The following PLXNC1 variants were observed in gnomAD, a reference collection of about 807,000 sequenced individuals.
The protein encoded by PLXNC1 is plexin C1, also known as plexin-C1.
PLXNC1 carries 75 observed loss-of-function variants against 178.2 expected under a neutral mutation model. The ratio of observed to expected loss-of-function variants is 0.42; its 90% CI spans 0.35 to 0.51. The LOEUF is 0.51. PLXNC1 is among the 20% of genes least tolerant of loss of function. The pLI is 0.02. For synonymous variants in PLXNC1, 790 were observed against 779.9 expected, an observed-to-expected ratio of 1.01 and a Z score of -0.22; for missense variants, 1,503 against 1,984.4, an observed-to-expected ratio of 0.76 and a Z score of 4.61.
chr12:94,304,117 T>C, intron 30 of PLXNC1, 66 bp downstream of exon 30: 1 of 1,047,832 alleles, frequency 9.5e-7, no homozygotes, highest in South Asian at 1.4e-5. Context: ...TATAGCATTC[T>C]GTCAGTTTCA....
At position 94,269,247 on chromosome 12, in the gene PLXNC1, C is replaced by T. The variant is rs1031634060; in HGVS notation, c.3597+4022C>T. ...ATCTTGGCACCCTGGAAAACTGTTC[C>T]GACAAAAATATTATTGCCTTCATTC... On this transcript the variant is annotated intron_variant, in intron 21 of 30. Transcript: ENST00000258526. 5.9e-5 allele frequency among the ~76,000 whole-genome samples: 9 copies of T among 152,134 alleles called. No individual in the cohort carries two copies. In the East Asian group the frequency reaches 1.2e-3, roughly 20 times the overall value.
chr12:94,155,042 G>T (rs767015733), intron 1 of PLXNC1, among the ~76,000 whole-genome samples: 1 of 152,186 alleles, frequency 6.6e-6, no homozygotes. Context: ...TGCCTGATGT[G>T]TCAGGGCCCC....
At chr12:94,218,175 G>A (rs1006066334) in intron 5 of PLXNC1, among the ~76,000 whole-genome samples, 4 of 152,188 alleles carry the variant, frequency 2.6e-5, no homozygotes, top group Non-Finnish European at 2.9e-5. Flanking sequence ...ATGAGTTAGT[G>A]GGAATGGTTT....
intron 23 of PLXNC1, among the ~76,000 whole-genome samples, chr12:94,289,855 C>T (rs950807056): frequency 2.2e-4 from 34 of 152,222 alleles, no homozygotes; most frequent in Non-Finnish European, 5.9e-5. Context: ...CGCGCTCACA[C>T]ACACACACAA....
At chr12:94,244,451 C>G (rs1964473944) in intron 12 of PLXNC1, among the ~76,000 whole-genome samples, 1 of 152,164 alleles carries the variant, frequency 6.6e-6, no homozygotes, top group African/African-American at 2.4e-5. Context: ...TTGCCAAGGT[C>G]CCAGAAATCT....
chr12:94,283,165 G>A (rs936136482), intron 23 of PLXNC1, among the ~76,000 whole-genome samples: 2 of 150,590 alleles, frequency 1.3e-5, no homozygotes, highest in Admixed American at 6.6e-5. Context: ...AAAAAAGGAC[G>A]GAGAGACAAG....
At chr12:94,163,649 A>G (rs556374650) in intron 1 of PLXNC1, among the ~76,000 whole-genome samples, 1 of 152,166 alleles carries the variant, frequency 6.6e-6, no homozygotes, top group East Asian at 1.9e-4. Context: ...TACAAGCTTC[A>G]CCACCTTGCA....
chr12:94,282,462 T>G, intron 23 of PLXNC1, 61 bp downstream of exon 23: 1 of 1,130,070 alleles, frequency 8.8e-7, no homozygotes, highest in Non-Finnish European at 1.3e-6. Flanking sequence ...CCCATGGACA[T>G]TCTTTTAAAA....
chr12:94,169,357 C>CT, intron 2 of PLXNC1, 64 bp downstream of exon 2: 6 of 1,239,176 alleles, frequency 4.8e-6, no homozygotes, highest in Admixed American at 2.1e-5. Flanking sequence ...TTTAAAAAAA[C>CT]ATTTTTTTAA....
rs1234130921 is a variant in PLXNC1 at position 94,297,111 on chromosome 12, C to CT, written c.3935-74dup. 1.4e-5 allele frequency: 20 copies of CT among 1,443,340 alleles called. No homozygotes were observed. The East Asian group carries it at 1.6e-4, about 11-fold the overall frequency. The allele number at this position is 1,443,340 out of a possible 1,614,324, so 89.4% of individuals were successfully genotyped here. On this transcript the variant is annotated intron_variant, in intron 24 of 30. Coordinates refer to ENST00000258526, the MANE Select transcript of PLXNC1 (RefSeq NM_005761.3). ...CTTCAGTATACAGCACAAATGGGGC[C>CT]TTTTAAGAGAAGGCCGATTAGCCCA... is the stretch of plus-strand genomic sequence containing the variant.
intron 10 of PLXNC1, 87 bp downstream of exon 10, chr12:94,237,890 A>G: frequency 1.5e-6 from 2 of 1,371,702 alleles, no homozygotes; most frequent in Non-Finnish European, 2.0e-6. Flanking sequence ...TAACCTTAAT[A>G]TAGTCAAATT....
intron 2 of PLXNC1, among the ~76,000 whole-genome samples, chr12:94,177,113 A>C (rs562626066): frequency 1.1e-5 from 1 of 88,956 alleles, no homozygotes; most frequent in African/African-American, 4.1e-5. Context: ...GTGTGTGTGT[A>C]TATATGTGTG....
chr12:94,262,373 CT>C (rs1965014625), intron 20 of PLXNC1: 1 of 529,170 alleles, frequency 1.9e-6, no homozygotes, highest in Non-Finnish European at 2.4e-6. Flanking sequence ...CTTTAAATCC[CT>C]TTCCAGCTCT....
At chr12:94,158,537 C>T (rs1030382074) in intron 1 of PLXNC1, among the ~76,000 whole-genome samples, 23 of 152,280 alleles carry the variant, frequency 1.5e-4, no homozygotes, top group African/African-American at 5.5e-4. Context: ...GGCGCATGCC[C>T]ATAATCCCAG....
At chr12:94,183,092 A>G (rs564872378) in intron 3 of PLXNC1, among the ~76,000 whole-genome samples, 3 of 152,228 alleles carry the variant, frequency 2.0e-5, no homozygotes, top group South Asian at 4.1e-4. Context: ...TGAGACTTAC[A>G]TAATTATATA....
At chr12:94,240,813 C>T (rs1220227105) in intron 11 of PLXNC1, 149 bp downstream of exon 11, 3 of 651,102 alleles carry the variant, frequency 4.6e-6, no homozygotes, top group African/African-American at 3.7e-5. Flanking sequence ...TAGAAAAATG[C>T]ATACCTGACA....
At chr12:94,286,616 CAAAAAAA>C (rs61238982) in intron 23 of PLXNC1, among the ~76,000 whole-genome samples, 150 of 101,404 alleles carry the variant, frequency 1.5e-3, no homozygotes, top group Middle Eastern at 6.1e-3. Flanking sequence ...TGCTTAAAAG[CAAAAAAA>C]AAAAAAAAAA....
intron 21 of PLXNC1, among the ~76,000 whole-genome samples, chr12:94,272,533 C>T (rs1229594267): frequency 6.6e-6 from 1 of 152,230 alleles, no homozygotes; most frequent in African/African-American, 2.4e-5. Flanking sequence ...GTCACCATCT[C>T]CCAGTGCCTC....
At chr12:94,264,568 C>G (rs578027639) in intron 20 of PLXNC1, among the ~76,000 whole-genome samples, 1 of 152,312 alleles carries the variant, frequency 6.6e-6, no homozygotes, top group South Asian at 2.1e-4. Flanking sequence ...CGGCAGGCTG[C>G]TTCCTTCGAG....
Sources: allele counts gnomAD v4.1 joint callset (sites outside exome capture counted in the v4.1 genomes callset), GRCh38; gene constraint gnomAD v4.1.1; transcripts MANE v1.5; gene names NCBI Gene and HGNC (gene_info 2026-07-23, HGNC 2026-07-21).